Variants in PHB2 observed in about 807,000 individuals in gnomAD.
The protein encoded by PHB2 is prohibitin 2.
In PHB2, 22 loss-of-function variants were observed where a neutral mutation model predicts 46.4. That is an observed-to-expected ratio of 0.47 (90% CI 0.34 to 0.68). The LOEUF (loss-of-function observed/expected upper bound fraction) is 0.68, where lower values mean the gene tolerates loss of function less well. PHB2 is among the 30% of genes least tolerant of loss of function. The pLI, the probability that PHB2 is intolerant of heterozygous loss-of-function variation, is 0.01. For missense variants in PHB2, 305 were observed against 382.8 expected, an observed-to-expected ratio of 0.80 and a Z score of 1.70; for synonymous variants, 156 against 150.5, an observed-to-expected ratio of 1.04 and a Z score of -0.27.
chr12:6,966,344 T>C (rs1946210952), intron 8 of PHB2, 80 bp downstream of exon 8: 1 of 868,354 alleles, frequency 1.2e-6, no homozygotes, highest in Admixed American at 1.7e-5. Flanking sequence ...TGAATAGCTG[T>C]AGCAGGCTCC....
chr12:6,970,669 G>A, upstream of PHB2: 3 of 1,201,792 alleles, frequency 2.5e-6, no homozygotes, highest in Non-Finnish European at 3.4e-6. Context: ...CGAAAGAAAG[G>A]GCAGCGGAAG....
chr12:6,969,997 G>A (rs1439095167), intron 2 of PHB2, 199 bp downstream of exon 2: 4 of 701,884 alleles, frequency 5.7e-6, no homozygotes, highest in East Asian at 5.4e-5. Flanking sequence ...CCACAGACAA[G>A]GAGAGATTCT....
chr12:6,968,065 G>A (rs782294470), intron 4 of PHB2, 44 bp from the exon 5 acceptor site: 35 of 1,540,704 alleles, frequency 2.3e-5, no homozygotes, highest in Non-Finnish European at 3.1e-5. Context: ...TGGTTTGAGG[G>A]GACTGGGGAG....
chr12:6,970,360 G>T, intron 1 of PHB2, 57 bp downstream of exon 1: 1 of 1,604,560 alleles, frequency 6.2e-7, no homozygotes. Context: ...CGGGGACAGG[G>T]CAAGGGGTTT....
intron 3 of PHB2, chr12:6,968,815 C>G: frequency 1.7e-6 from 1 of 576,290 alleles, no homozygotes; most frequent in Non-Finnish European, 3.2e-6. Flanking sequence ...CCGTCACCAG[C>G]AGAGCTGACT....
Position 6,967,743 on chromosome 12 carries a change from T to A in PHB2, c.644A>T (p.Glu215Val). The stretch of plus-strand genomic sequence containing the variant: ...CTGCCGCTGTTCCTGCTTTGCTTTT[T>A]CTACCAAGAATTGGGCCCGCTGGGC... ...QEAQRAQFLV[E>V]KAKQEQRQKI... The change falls in exon 6 of 10, where the codon GAA becomes GTA. Residue 215 changes from glutamate to valine, a missense_variant. Glu to Val is a moderately radical substitution (Grantham distance 121). Transcript: ENST00000535923. This position sits in a 1 kb window ranked among gnomAD's most constrained non-coding sequence, Gnocchi z 4.9. 1 of 1,613,982 alleles carries A rather than the reference T, an allele frequency of 6.2e-7. No individual in the cohort carries two copies. Among genetic ancestry groups the A allele is most frequent in the East Asian group, 2.2e-5 (1 of 44,878 alleles).
intron 1 of PHB2, 67 bp from the exon 2 acceptor site, chr12:6,970,347 G>A: frequency 6.2e-7 from 1 of 1,603,484 alleles, no homozygotes; most frequent in Non-Finnish European, 8.5e-7. Context: ...CCGTGGAGGG[G>A]CGCGGGGACA....
In PHB2 at chr12:6,970,561, G is replaced by A. The variant is rs1946306612; in HGVS notation, c.-18C>T. On this transcript the variant is annotated 5_prime_UTR_variant, in exon 1 of 10. Transcript: ENST00000535923. ...TGGGCCATGTCTGATCTTGAGGCCG[G>A]CGGCACTGGAGGTCAGAAGGGGGTG... The A allele has an allele frequency of 3.8e-6, 6 of 1,576,514 alleles. No individual in the cohort carries two copies. The highest frequency in any genetic ancestry group is 5.2e-6 in the Non-Finnish European group (6 of 1,165,004).
Position 6,966,438 on chromosome 12 carries a change from A to T in PHB2, c.852T>A (p.Asp284Glu). ...ACATCTCTCACCTGGTGAAACTTTC[A>T]TCCTGTAGGTTCAGCACAAGGTTGT... Reference protein sequence around the residue: ...TADNLVLNLQDESFTRGSDSL... With the variant: ...TADNLVLNLQEESFTRGSDSL... The change falls in exon 8 of 10, where the codon GAT becomes GAA. Residue 284 changes from aspartate (D) to glutamate (E), a missense_variant. Physicochemically the swap from Asp to Glu is conservative, Grantham distance 45. Transcript: ENST00000535923. 4 of 1,605,162 alleles carry T rather than the reference A, an allele frequency of 2.5e-6. No individual in the cohort carries two copies. The highest frequency in any genetic ancestry group is 3.4e-6 in the Non-Finnish European group (4 of 1,171,812).
At position 6,967,687 on chromosome 12, in the gene PHB2, C is replaced by A; in HGVS notation, c.700G>T (p.Ala234Ser). ...CAGCAGAAGGATATCATCTTGGCAGCCTCGGCCTCACCCTCGGCCTGCACA... is the reference window on the plus strand; with the variant it reads ...CAGCAGAAGGATATCATCTTGGCAGACTCGGCCTCACCCTCGGCCTGCACA... ...KIVQAEGEAE[A>S]AKMLGEALSK... The change falls in exon 6 of 10, where the codon GCT becomes TCT. Residue 234 changes from alanine (A) to serine (S), a missense_variant. Ala to Ser is a moderately conservative substitution (Grantham distance 99). Coordinates refer to ENST00000535923, the MANE Select transcript of PHB2 (RefSeq NM_001144831.2). This position sits in a 1 kb window ranked among gnomAD's most constrained non-coding sequence, Gnocchi z 4.9. The A allele has an allele frequency of 6.2e-7, 1 of 1,612,976 alleles. No individual in the cohort carries two copies. The highest frequency in any genetic ancestry group is 8.5e-7 in the Non-Finnish European group (1 of 1,179,158).
chr12:6,965,591 G>A lies in PHB2; in HGVS notation c.*94C>T. On this transcript the variant is annotated 3_prime_UTR_variant, in exon 10 of 10. Transcript: ENST00000535923. Reference sequence around the variant, plus strand: ...TGGGGGACCATCGCATGATACTGGGGCGGGGTAGGGCTGTGCTGGACCCCT... The same window carrying A: ...TGGGGGACCATCGCATGATACTGGGACGGGGTAGGGCTGTGCTGGACCCCT... 1 of 943,576 alleles carries A rather than the reference G, an allele frequency of 1.1e-6. No homozygotes were observed. Among genetic ancestry groups the A allele is most frequent in the Non-Finnish European group, 1.7e-6 (1 of 587,734 alleles). 58.5% of individuals were successfully genotyped at this position (943,576 alleles called of 1,614,324 possible). A position where few individuals can be genotyped will look rare whatever the true frequency, so the allele number is the denominator to read the frequency against.
intron 1 of PHB2, 44 bp from the exon 2 acceptor site, chr12:6,970,324 G>T (rs782231758): frequency 6.2e-7 from 1 of 1,607,248 alleles, no homozygotes; most frequent in Non-Finnish European, 8.5e-7. Flanking sequence ...GCTGCTCAGA[G>T]GAAATGCTAG....
chr12:6,969,619 G>A, intron 2 of PHB2, 42 bp from the exon 3 acceptor site: 1 of 1,232,134 alleles, frequency 8.1e-7, no homozygotes. Context: ...CACAGTTTCG[G>A]CCGGGCGCGG....
intron 8 of PHB2, 50 bp from the exon 9 acceptor site, chr12:6,965,966 C>T: frequency 6.3e-7 from 1 of 1,588,912 alleles, no homozygotes; most frequent in Non-Finnish European, 8.5e-7. Flanking sequence ...GAGAAATGCA[C>T]ATGTTAATTG....
rs1946237700 is a variant in PHB2, at chr12:6,967,591, T to G, written c.711+85A>C. 1 of 1,139,116 alleles carries G rather than the reference T, an allele frequency of 8.8e-7. No individual in the cohort carries two copies. The highest frequency in any genetic ancestry group is 1.7e-5 in the Admixed American group (1 of 59,448). The allele number at this position is 1,139,116 out of a possible 1,614,324, so 70.6% of individuals were successfully genotyped here. ...AGAGAGCACGGAGTCGCATTCGCCT[T>G]AGTCTCATCAGCCTGCCCATGAAGG... On this transcript the variant is annotated intron_variant, in intron 6 of 9. Coordinates refer to ENST00000535923, the MANE Select transcript of PHB2 (RefSeq NM_001144831.2). The surrounding 1 kb of genome is among the most constrained non-coding windows in gnomAD (Gnocchi z 4.9).
intron 7 of PHB2, among the ~76,000 whole-genome samples, chr12:6,966,837 T>C (rs1357142888): frequency 6.6e-6 from 1 of 152,210 alleles, no homozygotes; most frequent in African/African-American, 2.4e-5. Flanking sequence ...TTCCGCCTCC[T>C]GGGTTCAAGT....
rs1235012084 is a variant in PHB2, at chr12:6,967,078, A to G, written c.789+93T>C. ...AGCCAATCTGAGTAGAAACCGGAACAAGCAAGGTTCGAATTCCCTCACCTC... is the reference window on the plus strand; with the variant it reads ...AGCCAATCTGAGTAGAAACCGGAACGAGCAAGGTTCGAATTCCCTCACCTC... On this transcript the variant is annotated intron_variant, in intron 7 of 9. Transcript: ENST00000535923. The surrounding 1 kb of genome is among the most constrained non-coding windows in gnomAD (Gnocchi z 4.9). The G allele has an allele frequency of 9.2e-7, 1 of 1,091,310 alleles. No individual in the cohort carries two copies. The highest frequency in any genetic ancestry group is 2.0e-5 in the Admixed American group (1 of 49,664). 67.6% of individuals were successfully genotyped at this position (1,091,310 alleles called of 1,614,324 possible).
chr12:6,969,425 AT>A (rs1421184389), intron 3 of PHB2, 72 bp downstream of exon 3: 1 of 777,988 alleles, frequency 1.3e-6, no homozygotes, highest in African/African-American at 1.8e-5. Flanking sequence ...ACACTACCAT[AT>A]TCCCCTGGGG....
At chr12:6,965,880 G>A in intron 9 of PHB2, 31 bp downstream of exon 9, 1 of 1,598,416 alleles carries the variant, frequency 6.3e-7, no homozygotes, top group Non-Finnish European at 8.5e-7. Context: ...AAGGTGGCCT[G>A]CAGGACCCCA....
Sources: gnomAD v4.1 joint callset for allele counts (sites outside exome capture counted in the v4.1 genomes callset) on GRCh38, gnomAD v4.1.1 for gene constraint, Gnocchi (gnomAD v3.1) non-coding constraint, MANE v1.5 for transcripts, NCBI Gene and HGNC (gene_info 2026-07-23, HGNC 2026-07-21) for gene names.